Variants in SEL1L2 observed in about 807,000 individuals in gnomAD.
The protein encoded by SEL1L2 is protein sel-1 homolog 2.
Under a neutral mutation model 98.8 loss-of-function variants are expected in SEL1L2, and 89 were observed. The ratio of observed to expected loss-of-function variants is 0.90; its 90% CI spans 0.76 to 1.07. SEL1L2 has a LOEUF of 1.07. SEL1L2 is among the 50% of genes least tolerant of loss of function. The pLI is 0.00. For synonymous variants in SEL1L2, 262 were observed against 278.5 expected, an observed-to-expected ratio of 0.94 and a Z score of 0.59; for missense variants, 788 against 812.0, an observed-to-expected ratio of 0.97 and a Z score of 0.36.
intron 1 of SEL1L2, among the ~76,000 whole-genome samples, chr20:13,971,348 C>G (rs1481178824): frequency 6.6e-6 from 1 of 152,072 alleles, no homozygotes; most frequent in Non-Finnish European, 1.5e-5. Context: ...GTTTTCTTAC[C>G]AAGCATTTGA....
intron 10 of SEL1L2, among the ~76,000 whole-genome samples, chr20:13,881,507 T>C (rs1229066928): frequency 1.3e-5 from 2 of 152,230 alleles, no homozygotes; most frequent in Admixed American, 6.5e-5. Flanking sequence ...CCCGCTTTCC[T>C]AATCCAATTT....
chr20:13,878,778 G>C (rs1261049305), intron 10 of SEL1L2, among the ~76,000 whole-genome samples: 3 of 152,082 alleles, frequency 2.0e-5, no homozygotes, highest in Admixed American at 6.5e-5. Flanking sequence ...AGGATAGTAT[G>C]TTACGTATTA....
intron 2 of SEL1L2, among the ~76,000 whole-genome samples, chr20:13,940,947 A>G (rs1221292152): frequency 6.6e-6 from 1 of 152,220 alleles, no homozygotes; most frequent in African/African-American, 2.4e-5. Context: ...AAACTATTGC[A>G]GTCAACTAGG....
intron 3 of SEL1L2, among the ~76,000 whole-genome samples, chr20:13,924,942 C>T (rs541483502): frequency 1.3e-5 from 2 of 151,980 alleles, no homozygotes; most frequent in South Asian, 2.1e-4. Context: ...AGTTCGAGAC[C>T]AGCCTGGCCA....
chr20:13,950,069 CT>C lies in SEL1L2; in HGVS notation c.114+6006del, dbSNP rs533312928. ...GATTATGCCAAGTGAAATAAGTCAA[CT>C]ATTAAAAGAAAAACACTGTATGAAC... On this transcript the variant is annotated intron_variant, in intron 2 of 19. Coordinates refer to ENST00000284951, the MANE Select transcript of SEL1L2 (RefSeq NM_025229.2). 1.5e-4 allele frequency among the ~76,000 whole-genome samples: 23 copies of C among 152,182 alleles called. No individual in the cohort carries two copies. The East Asian group carries it at 4.4e-3, about 29-fold the overall frequency.
At chr20:13,983,036 A>AAAAAAAAAAAAAAAAAAC (rs2051928883) in intron 1 of SEL1L2, among the ~76,000 whole-genome samples, 2 of 141,756 alleles carry the variant, frequency 1.4e-5, no homozygotes, top group Admixed American at 7.1e-5. Context: ...AAAAAAAAAA[A>AAAAAAAAAAAAAAAAAAC]AAAAAAAAAA....
intron 5 of SEL1L2, among the ~76,000 whole-genome samples, chr20:13,896,014 A>T (rs2047407453): frequency 6.6e-6 from 1 of 152,006 alleles, no homozygotes; most frequent in Non-Finnish European, 1.5e-5. Flanking sequence ...CTCTACTGAA[A>T]ATACAAAAAA....
chr20:13,864,651 T>C (rs1990708306), intron 17 of SEL1L2, among the ~76,000 whole-genome samples: 1 of 152,198 alleles, frequency 6.6e-6, no homozygotes, highest in South Asian at 2.1e-4. Flanking sequence ...TGTATCTGTT[T>C]TGTTTTGGTT....
chr20:13,970,550 T>C (rs1022388707), intron 1 of SEL1L2, among the ~76,000 whole-genome samples: 3 of 152,208 alleles, frequency 2.0e-5, no homozygotes, highest in African/African-American at 7.2e-5. Context: ...AATACTGCCA[T>C]GGCCGGATGC....
rs190383651 is a variant in SEL1L2 at position 13,861,912 on chromosome 20, G to A, written c.1646-2478C>T. ...CAATGCCACTTCTCTCCTAGAGGCCGTCTCCGACTACCTTGTCTAAAGTGC... is the reference window on the plus strand; with the variant it reads ...CAATGCCACTTCTCTCCTAGAGGCCATCTCCGACTACCTTGTCTAAAGTGC... On this transcript the variant is annotated intron_variant, in intron 17 of 19. Transcript: ENST00000284951. Among the ~76,000 whole-genome samples the A allele has an allele frequency of 9.8e-4, 149 of 152,258 alleles. 1 individual carries two copies. The highest frequency in any genetic ancestry group is 2.6e-3 in the Admixed American group (39 of 15,294).
intron 14 of SEL1L2, 98 bp from the exon 15 acceptor site, chr20:13,866,948 T>C (rs1187909446): frequency 8.3e-7 from 1 of 1,209,008 alleles, no homozygotes; most frequent in Non-Finnish European, 1.1e-6. Context: ...GCTATTTAAA[T>C]AGAATGGGAA....
intron 1 of SEL1L2, among the ~76,000 whole-genome samples, chr20:13,975,546 A>C (rs2051493762): frequency 6.6e-6 from 1 of 152,212 alleles, no homozygotes; most frequent in South Asian, 2.1e-4. Flanking sequence ...AAATATCTAT[A>C]AATTTAGAAT....
At chr20:13,857,673 G>T (rs1364049725) in intron 18 of SEL1L2, among the ~76,000 whole-genome samples, 6 of 152,186 alleles carry the variant, frequency 3.9e-5, no homozygotes, top group Non-Finnish European at 8.8e-5. Context: ...ATGGAGTGGG[G>T]TCACTTTATC....
intron 6 of SEL1L2, 33 bp from the exon 7 acceptor site, chr20:13,888,034 CA>C (rs751442929): frequency 1.3e-6 from 2 of 1,590,162 alleles, no homozygotes. Flanking sequence ...AAAAACCCCC[CA>C]AACCAGGTTG....
At chr20:13,958,074 A>G (rs2050621077) in intron 1 of SEL1L2, among the ~76,000 whole-genome samples, 1 of 152,198 alleles carries the variant, frequency 6.6e-6, no homozygotes. Flanking sequence ...TATTGGGACC[A>G]TGAATACTCA....
rs1202026429 is a variant in SEL1L2 at position 13,967,729 on chromosome 20, T to A, written c.59-11598A>T. The stretch of plus-strand genomic sequence containing the variant: ...ACAGCTTTTCTCTTCTCCAGAGCTG[T>A]GAAATGAAGAGGGTGACGGGTATTA... On this transcript the variant is annotated intron_variant, in intron 1 of 19. Coordinates refer to ENST00000284951, the MANE Select transcript of SEL1L2 (RefSeq NM_025229.2). Among the ~76,000 whole-genome samples, 10 of 151,514 alleles carry A rather than the reference T, an allele frequency of 6.6e-5. No individual in the cohort carries two copies. In the East Asian group the frequency reaches 1.9e-3, roughly 30 times the overall value.
chr20:13,906,599 G>A (rs1366745736), intron 5 of SEL1L2, among the ~76,000 whole-genome samples: 3 of 151,834 alleles, frequency 2.0e-5, no homozygotes, highest in Non-Finnish European at 4.4e-5. Flanking sequence ...TCATTAGGTG[G>A]ATACTAAAAA....
At chr20:13,970,697 T>G (rs992307474) in intron 1 of SEL1L2, among the ~76,000 whole-genome samples, 1 of 152,032 alleles carries the variant, frequency 6.6e-6, no homozygotes, top group African/African-American at 2.4e-5. Flanking sequence ...CCAAGCGTGG[T>G]GGCAGGTGCC....
chr20:13,880,862 A>AT (rs201033629), intron 10 of SEL1L2, among the ~76,000 whole-genome samples: 2,092 of 152,288 alleles, frequency 0.014, 48 homozygotes, highest in African/African-American at 0.047. Context: ...CTAAGTAAGT[A>AT]AAGTTTTATT....
Sources: gnomAD v4.1 joint callset for allele counts (sites outside exome capture counted in the v4.1 genomes callset) on GRCh38, gnomAD v4.1.1 for gene constraint, MANE v1.5 for transcripts, NCBI Gene and HGNC (gene_info 2026-07-23, HGNC 2026-07-21) for gene names.